Variants in DISC1 observed in about 807,000 individuals in gnomAD.
The protein encoded by DISC1 is DISC1 scaffold protein.
In DISC1, 57 loss-of-function variants were observed where a neutral mutation model predicts 84.5. The ratio of observed to expected loss-of-function variants is 0.67; its 90% CI spans 0.55 to 0.84. The LOEUF is 0.84. Ranked by LOEUF, DISC1 falls within the 40% of genes least tolerant of loss-of-function variation. DISC1 has a pLI of 0.00. For synonymous variants in DISC1, 411 were observed against 415.2 expected (o/e 0.99, Z 0.12); for missense variants, 1,000 against 1,057.8 (o/e 0.95, Z 0.76).
At chr1:231,699,958 T>A (rs2066199173) in intron 2 of DISC1, among the ~76,000 whole-genome samples, 1 of 152,224 alleles carries the variant, frequency 6.6e-6, no homozygotes, top group Non-Finnish European at 1.5e-5. Flanking sequence ...CACTTCTGCC[T>A]GAGCCTTTGT....
Position 231,921,553 on chromosome 1 carries a change from A to T in DISC1, c.1982-37275A>T, listed in dbSNP as rs550588371. On this transcript the variant is annotated intron_variant, in intron 9 of 12. Transcript: ENST00000439617. ...CTTTTATATTATGAATATATTTATA[A>T]TATGTGAAATGATTGGATTCTTCAA... 1.0e-4 allele frequency among the ~76,000 whole-genome samples: 3 copies of T among 29,424 alleles called. No individual in the cohort carries two copies. The Admixed American group carries it at 1.3e-3, about 12-fold the overall frequency. The allele number at this position is 29,424 out of a possible 152,430, so 19.3% of individuals were successfully genotyped here.
chr1:231,830,890 C>A (rs978951644), intron 9 of DISC1, among the ~76,000 whole-genome samples: 3 of 152,044 alleles, frequency 2.0e-5, no homozygotes. Context: ...TTCCTGAAGA[C>A]GGAGGACCGT....
chr1:231,870,381 C>A (rs201951869), intron 9 of DISC1, among the ~76,000 whole-genome samples: 10 of 152,208 alleles, frequency 6.6e-5, no homozygotes, highest in Non-Finnish European at 1.5e-4. Flanking sequence ...ATTAGAGATA[C>A]CTGTCTTCCC....
At chr1:232,003,419 A>C (rs1373791851) in intron 10 of DISC1, among the ~76,000 whole-genome samples, 1 of 152,166 alleles carries the variant, frequency 6.6e-6, no homozygotes, top group Non-Finnish European at 1.5e-5. Flanking sequence ...TAGAAAATTT[A>C]ATGATTGGAA....
chr1:231,807,394 C>A (rs1160437756), intron 8 of DISC1, among the ~76,000 whole-genome samples: 1 of 152,234 alleles, frequency 6.6e-6, no homozygotes, highest in Non-Finnish European at 1.5e-5. Flanking sequence ...TCAAATTACC[C>A]CTCATTATTG....
chr1:231,774,009 T>G (rs2076762776), intron 6 of DISC1, among the ~76,000 whole-genome samples: 1 of 151,626 alleles, frequency 6.6e-6, no homozygotes, highest in Non-Finnish European at 1.5e-5. Context: ...ACACCTATAA[T>G]CCCAGCACTT....
At chr1:231,680,956 A>G (rs1204903679) in intron 1 of DISC1, among the ~76,000 whole-genome samples, 2 of 152,204 alleles carry the variant, frequency 1.3e-5, no homozygotes, top group Non-Finnish European at 2.9e-5. Flanking sequence ...CTTTGCTGCA[A>G]AAAAATAAGA....
rs530552918 is a variant in DISC1 at position 231,822,480 on chromosome 1, G to T, written c.1981+3963G>T. Reference sequence around the variant, plus strand: ...GGAGGCAGAGAAGGGGCAGTTGAAGGGCAATGAGGTTGGAGTAGAGGCACC... The same window carrying T: ...GGAGGCAGAGAAGGGGCAGTTGAAGTGCAATGAGGTTGGAGTAGAGGCACC... On this transcript the variant is annotated intron_variant, in intron 9 of 12. Transcript: ENST00000439617. Among the ~76,000 whole-genome samples, 3 of 152,274 alleles carry T rather than the reference G, an allele frequency of 2.0e-5. No individual in the cohort carries two copies. The South Asian group carries it at 6.2e-4, about 32-fold the overall frequency.
intron 11 of DISC1, among the ~76,000 whole-genome samples, chr1:232,012,668 AGAT>A (rs1668128187): frequency 6.6e-6 from 1 of 152,226 alleles, no homozygotes; most frequent in Non-Finnish European, 1.5e-5. Flanking sequence ...GTCCACAGGA[AGAT>A]GAGTTTTCAA....
intron 9 of DISC1, among the ~76,000 whole-genome samples, chr1:231,933,962 C>A (rs2090828224): frequency 6.6e-6 from 1 of 152,166 alleles, no homozygotes; most frequent in African/African-American, 2.4e-5. Flanking sequence ...CTGGTCCGGG[C>A]TCCAGCAAAA....
At chr1:231,914,564 T>C (rs1249724062) in intron 9 of DISC1, among the ~76,000 whole-genome samples, 1 of 152,120 alleles carries the variant, frequency 6.6e-6, no homozygotes, top group Non-Finnish European at 1.5e-5. Flanking sequence ...TGCCTTATTG[T>C]CCCCACCACA....
At chr1:231,810,060 C>T (rs533852415) in intron 8 of DISC1, among the ~76,000 whole-genome samples, 3 of 152,204 alleles carry the variant, frequency 2.0e-5, no homozygotes, top group East Asian at 1.9e-4. Context: ...TTATATACCA[C>T]GAAAAACTAC....
chr1:231,827,474 G>T (rs1324898577), intron 9 of DISC1, among the ~76,000 whole-genome samples: 16 of 152,052 alleles, frequency 1.1e-4, no homozygotes, highest in Admixed American at 6.5e-4. Flanking sequence ...TTCCTTCTTG[G>T]CATTATCATG....
At chr1:231,864,977 A>G (rs1019397219) in intron 9 of DISC1, among the ~76,000 whole-genome samples, 4 of 152,204 alleles carry the variant, frequency 2.6e-5, no homozygotes, top group African/African-American at 9.6e-5. Flanking sequence ...AGTTATGAAT[A>G]GCACTCCACA....
chr1:231,810,485 G>A (rs1239939807), intron 8 of DISC1, among the ~76,000 whole-genome samples: 2 of 152,192 alleles, frequency 1.3e-5, no homozygotes, highest in African/African-American at 4.8e-5. Flanking sequence ...TGCCTATCTG[G>A]TGTGAAAAGA....
At chr1:231,726,558 A>G (rs1421092907) in intron 3 of DISC1, among the ~76,000 whole-genome samples, 3 of 152,186 alleles carry the variant, frequency 2.0e-5, no homozygotes, top group Non-Finnish European at 2.9e-5. Flanking sequence ...GGCAACAGGG[A>G]AAGCCCCTCC....
intron 10 of DISC1, among the ~76,000 whole-genome samples, chr1:231,981,600 T>A (rs1295863674): frequency 6.6e-6 from 1 of 152,186 alleles, no homozygotes; most frequent in Non-Finnish European, 1.5e-5. Context: ...AATGAAAACA[T>A]ACATTAATGA....
At chr1:231,822,145 C>A (rs2081545667) in intron 9 of DISC1, among the ~76,000 whole-genome samples, 1 of 152,086 alleles carries the variant, frequency 6.6e-6, no homozygotes, top group Non-Finnish European at 1.5e-5. Flanking sequence ...AGGAAACCGA[C>A]GTCAAGGGGA....
At chr1:231,649,414 C>T (rs1372022362) in intron 1 of DISC1, among the ~76,000 whole-genome samples, 1 of 152,170 alleles carries the variant, frequency 6.6e-6, no homozygotes, top group African/African-American at 2.4e-5. Flanking sequence ...GCACTGTGGT[C>T]TGAGAGACAG....
Sources: allele counts gnomAD v4.1 joint callset (sites outside exome capture counted in the v4.1 genomes callset), GRCh38; gene constraint gnomAD v4.1.1; transcripts MANE v1.5; gene names NCBI Gene and HGNC (gene_info 2026-07-23, HGNC 2026-07-21).